Variants in GTF3C3 observed in about 807,000 individuals in gnomAD.
GTF3C3 encodes the protein general transcription factor IIIC subunit 3, also known as general transcription factor 3C polypeptide 3.
A neutral mutation model predicts 105.2 loss-of-function variants in GTF3C3; 75 were observed. The observed-to-expected ratio is 0.71, with a 90% CI of 0.59 to 0.86. The LOEUF (loss-of-function observed/expected upper bound fraction) is 0.86. Among genes scored for constraint, GTF3C3 ranks in the 40% least tolerant of loss-of-function variants. The pLI is 0.00. For missense variants in GTF3C3, 856 were observed against 1,076.5 expected, an observed-to-expected ratio of 0.80 and a Z score of 2.87; for synonymous variants, 335 against 370.4, an observed-to-expected ratio of 0.90 and a Z score of 1.10.
chr2:196,769,028 AAAG>A (rs1200829212), intron 16 of GTF3C3, among the ~76,000 whole-genome samples: 1 of 152,186 alleles, frequency 6.6e-6, no homozygotes, highest in Non-Finnish European at 1.5e-5. Context: ...TAAGGAAGAA[AAAG>A]AAGCTTTGAG....
intron 16 of GTF3C3, among the ~76,000 whole-genome samples, chr2:196,769,082 G>C (rs926422288): frequency 2.0e-5 from 3 of 152,202 alleles, no homozygotes; most frequent in Non-Finnish European, 4.4e-5. Context: ...AAATTTAGAA[G>C]TTTTTGTTTT....
intron 1 of GTF3C3, among the ~76,000 whole-genome samples, chr2:196,799,019 T>C (rs1236036527): frequency 1.3e-5 from 2 of 152,326 alleles, no homozygotes; most frequent in South Asian, 2.1e-4. Context: ...GAAGATTATC[T>C]TCTTATCGGA....
chr2:196,790,941 CTGAGAGAT>C (rs1699536448), intron 4 of GTF3C3, among the ~76,000 whole-genome samples: 1 of 151,796 alleles, frequency 6.6e-6, no homozygotes, highest in Non-Finnish European at 1.5e-5. Flanking sequence ...CACCATTTAA[CTGAGAGAT>C]AAGATGACAA....
rs774063149 is a variant in GTF3C3, at chr2:196,799,648, G to C, written c.-37C>G. ...CTGTCTGTGCAACCCCAGGAACCGG[G>C]ACAGAGAACCGGAAGAGCAGCGCCT... On this transcript the variant is annotated 5_prime_UTR_variant, in exon 1 of 18. Transcript: ENST00000263956. The C allele has an allele frequency of 6.8e-7, 1 of 1,462,022 alleles. No individual in the cohort carries two copies. Among genetic ancestry groups the C allele is most frequent in the South Asian group, 1.1e-5 (1 of 87,620 alleles). The allele number at this position is 1,462,022 out of a possible 1,614,324, so 90.6% of individuals were successfully genotyped here.
Position 196,763,482 on chromosome 2 carries a change from T to TAA in GTF3C3, c.*1079_*1080dup, listed in dbSNP as rs1408221930. The TAA allele has an allele frequency of 6.6e-6, 1 of 152,232 alleles. No homozygotes were observed. Among genetic ancestry groups the TAA allele is most frequent in the African/African-American group, 2.4e-5 (1 of 41,458 alleles). 9.4% of individuals were successfully genotyped at this position (152,232 alleles called of 1,614,324 possible). ...CTCAATTATAAAAATAAAATGCATTTAAATTATACACATGGAGTATACAAT... is the reference window on the plus strand; with the variant it reads ...CTCAATTATAAAAATAAAATGCATTTAAAAATTATACACATGGAGTATACAAT... On this transcript the variant is annotated 3_prime_UTR_variant, in exon 18 of 18. Transcript: ENST00000263956.
In GTF3C3 at chr2:196,763,261, T is replaced by TTA. The variant is rs1699001701; in HGVS notation, c.*1300_*1301dup. 1 of 152,132 alleles carries TTA rather than the reference T, an allele frequency of 6.6e-6. No individual in the cohort carries two copies. The highest frequency in any genetic ancestry group is 6.5e-5 in the Admixed American group (1 of 15,276). 9.4% of individuals were successfully genotyped at this position (152,132 alleles called of 1,614,324 possible). The stretch of plus-strand genomic sequence containing the variant: ...TGGTTTTTTTTTCCCTTAGGGAGAC[T>TTA]TATTTCCTCCACGGCTATTTAGTAG... On this transcript the variant is annotated 3_prime_UTR_variant, in exon 18 of 18. Coordinates refer to ENST00000263956, the MANE Select transcript of GTF3C3 (RefSeq NM_012086.5).
intron 8 of GTF3C3, 35 bp from the exon 9 acceptor site, chr2:196,780,697 T>C: frequency 6.3e-7 from 1 of 1,597,568 alleles, no homozygotes; most frequent in Non-Finnish European, 8.5e-7. Context: ...AGTTACTATA[T>C]GCAAGCTTGA....
chr2:196,797,752 C>T, intron 2 of GTF3C3, 45 bp downstream of exon 2: 1 of 1,056,060 alleles, frequency 9.5e-7, no homozygotes, highest in South Asian at 1.3e-5. Context: ...ACTTTGCTTA[C>T]ATACTCTAAA....
intron 16 of GTF3C3, 70 bp downstream of exon 16, chr2:196,769,844 TA>T: frequency 1.5e-6 from 2 of 1,340,314 alleles, no homozygotes; most frequent in Non-Finnish European, 1.0e-6. Flanking sequence ...GCAGGATTTT[TA>T]AAAAAAGTAT....
At chr2:196,767,070 A>G (rs1699080898) in intron 16 of GTF3C3, 1 of 162,328 alleles carries the variant, frequency 6.2e-6, no homozygotes, top group Non-Finnish European at 1.3e-5. Flanking sequence ...ATTGACGCCT[A>G]AAAGATTGAG....
At chr2:196,777,972 T>C (rs967732249) in intron 10 of GTF3C3, 2 of 152,238 alleles carry the variant, frequency 1.3e-5, no homozygotes, top group African/African-American at 4.8e-5. Context: ...CTTTTTACGA[T>C]GGTATTACAT....
intron 13 of GTF3C3, 51 bp from the exon 14 acceptor site, chr2:196,773,204 G>T (rs981421413): frequency 2.0e-6 from 2 of 1,013,222 alleles, no homozygotes; most frequent in South Asian, 1.5e-5. Context: ...TCCAGAAATA[G>T]CAGTATTAGA....
intron 7 of GTF3C3, 39 bp from the exon 8 acceptor site, chr2:196,784,968 G>T (rs754622757): frequency 2.3e-6 from 3 of 1,304,838 alleles, no homozygotes; most frequent in Middle Eastern, 2.1e-4. Flanking sequence ...TAAAATATGT[G>T]TGAAAAACCA....
In GTF3C3 at chr2:196,799,544, C is replaced by G; in HGVS notation, c.68G>C (p.Arg23Pro). 6.2e-7 allele frequency: 1 copy of G among 1,614,128 alleles called. No homozygotes were observed. The highest frequency in any genetic ancestry group is 8.5e-7 in the Non-Finnish European group (1 of 1,180,000). Reference sequence around the variant, plus strand: ...GCGGGTTTTTCTCTCTTCTCTCCGCCGTTCGAACTCCTCAAAGGAGATTTT... The same window carrying G: ...GCGGGTTTTTCTCTCTTCTCTCCGCGGTTCGAACTCCTCAAAGGAGATTTT... The part of the protein sequence containing the change: ...EGKISFEEFE[R>P]RREERKTREK... Residue 23 changes from arginine to proline, a missense_variant, in exon 1 of 18, where the codon CGG becomes CCG. Transcript: ENST00000263956.
At chr2:196,773,192 T>C in intron 13 of GTF3C3, 39 bp from the exon 14 acceptor site, 1 of 1,090,888 alleles carries the variant, frequency 9.2e-7, no homozygotes, top group South Asian at 1.4e-5. Context: ...GGACACTGTA[T>C]TTCCAGAAAT....
At chr2:196,798,745 C>T (rs1699694055) in intron 1 of GTF3C3, among the ~76,000 whole-genome samples, 1 of 151,262 alleles carries the variant, frequency 6.6e-6, no homozygotes, top group Non-Finnish European at 1.5e-5. Flanking sequence ...GCCTGTAGTC[C>T]CAGCTACTCG....
At position 196,766,622 on chromosome 2, in the gene GTF3C3, A is replaced by C; in HGVS notation, c.2481T>G (p.Ile827Met). ...TCTGATAATAGTGGATTGCAAGATGAATCAGCCCCAACTGATGAAGGCCAC... is the reference window on the plus strand; with the variant it reads ...TCTGATAATAGTGGATTGCAAGATGCATCAGCCCCAACTGATGAAGGCCAC... ...LGRGLHQLGL[I>M]HLAIHYYQKA... The change falls in exon 17 of 18, where the codon ATT (isoleucine) becomes ATG (methionine). Residue 827 changes from isoleucine (I) to methionine (M), a missense_variant. Ile to Met is a conservative substitution (Grantham distance 10, BLOSUM62 1). Coordinates refer to ENST00000263956, the MANE Select transcript of GTF3C3 (RefSeq NM_012086.5). 2 of 1,613,246 alleles carry C rather than the reference A, an allele frequency of 1.2e-6. No homozygotes were observed. The highest frequency in any genetic ancestry group is 1.1e-5 in the South Asian group (1 of 91,002).
rs138746794 is a variant in GTF3C3, at chr2:196,788,561, C to T, written c.893+643G>A. 1.1e-3 allele frequency among the ~76,000 whole-genome samples: 166 copies of T among 152,302 alleles called. No individual in the cohort carries two copies. The East Asian group carries it at 0.019, about 17-fold the overall frequency. ...AAGATCCCAAATCATTAACATTTCACTGGCACATCTGCAATAAAAAATAAT... is the reference window on the plus strand; with the variant it reads ...AAGATCCCAAATCATTAACATTTCATTGGCACATCTGCAATAAAAAATAAT... On this transcript the variant is annotated intron_variant, in intron 6 of 17. Transcript: ENST00000263956.
rs1425130614 is a variant in GTF3C3 at position 196,763,758 on chromosome 2, A to ACAT, written c.*802_*804dup. The ACAT allele has an allele frequency of 6.6e-6, 1 of 152,252 alleles. No homozygotes were observed. The highest frequency in any genetic ancestry group is 2.4e-5 in the African/African-American group (1 of 41,466). The allele number at this position is 152,252 out of a possible 1,614,324, so 9.4% of individuals were successfully genotyped here. A position where few individuals can be genotyped will look rare whatever the true frequency, so the allele number is the denominator to read the frequency against. On this transcript the variant is annotated 3_prime_UTR_variant, in exon 18 of 18. Coordinates refer to ENST00000263956, the MANE Select transcript of GTF3C3 (RefSeq NM_012086.5). ...AAGTACTGTTAACTTAAATTCAAGA[A>ACAT]CATATAATAAATAGTGGAGATGAGT... is the stretch of plus-strand genomic sequence containing the variant.
Sources: allele counts gnomAD v4.1 joint callset (sites outside exome capture counted in the v4.1 genomes callset), GRCh38; gene constraint gnomAD v4.1.1; transcripts MANE v1.5; gene names NCBI Gene and HGNC (gene_info 2026-07-23, HGNC 2026-07-21).